MCPH1: variants seen among roughly 807,000 people sequenced by gnomAD.
The protein encoded by MCPH1 is microcephalin.
A neutral mutation model predicts 84.5 loss-of-function variants in MCPH1; 104 were observed. The observed-to-expected ratio is 1.23, with a 90% CI of 1.05 to 1.45. MCPH1 has a LOEUF of 1.45. Ranked by LOEUF, MCPH1 falls within the 40% of genes most tolerant of loss-of-function variation. MCPH1 has a pLI of 0.00. For missense variants in MCPH1, 1,498 were observed against 1,005.7 expected (o/e 1.49, Z -6.62); for synonymous variants, 514 against 366.8 (o/e 1.40, Z -4.58).
intron 3 of MCPH1, among the ~76,000 whole-genome samples, chr8:6,417,528 T>C (rs893384900): frequency 6.6e-6 from 1 of 152,222 alleles, no homozygotes; most frequent in Non-Finnish European, 1.5e-5. Flanking sequence ...GTCTTTTTTT[T>C]TCTCCTCAGA....
At chr8:6,492,752 T>A (rs1316431968) in intron 11 of MCPH1, among the ~76,000 whole-genome samples, 1 of 148,988 alleles carries the variant, frequency 6.7e-6, no homozygotes, top group African/African-American at 2.4e-5. Context: ...TAATAATTAT[T>A]TAATATTATA....
At chr8:6,514,711 A>G (rs762089580) in intron 12 of MCPH1, 4 of 1,613,936 alleles carry the variant, frequency 2.5e-6, no homozygotes, top group Non-Finnish European at 2.5e-6. Flanking sequence ...CTGAAAATCA[A>G]CGCTGCCATC....
intron 12 of MCPH1, among the ~76,000 whole-genome samples, chr8:6,568,136 G>A (rs558293849): frequency 4.2e-4 from 64 of 152,288 alleles, no homozygotes; most frequent in African/African-American, 8.7e-4. Context: ...AAAGAATCTC[G>A]TGGCCAGCCC....
intron 12 of MCPH1, among the ~76,000 whole-genome samples, chr8:6,503,592 C>T (rs1408214050): frequency 6.6e-6 from 1 of 152,198 alleles, no homozygotes; most frequent in African/African-American, 2.4e-5. Context: ...ACATCTGAGG[C>T]ACAGTTGGAA....
intron 9 of MCPH1, among the ~76,000 whole-genome samples, chr8:6,455,461 C>T (rs1403650087): frequency 6.6e-6 from 1 of 152,184 alleles, no homozygotes; most frequent in Non-Finnish European, 1.5e-5. Context: ...AGCAAGCTTT[C>T]TCATATCACT....
rs984835009 is a variant in MCPH1 at position 6,491,477 on chromosome 8, C to CT, written c.2137-8365dup. Among the ~76,000 whole-genome samples, 353 of 126,578 alleles carry CT rather than the reference C, an allele frequency of 2.8e-3. 2 individuals are homozygous for CT. Among genetic ancestry groups the CT allele is most frequent in the African/African-American group, 9.0e-3 (302 of 33,636 alleles). The allele number at this position is 126,578 out of a possible 152,430, so 83.0% of individuals were successfully genotyped here. A position where few individuals can be genotyped will look rare whatever the true frequency, so the allele number is the denominator to read the frequency against. On this transcript the variant is annotated intron_variant, in intron 11 of 13. Transcript: ENST00000344683. ...AACATGTATTTTTTTTTCTAGTATT[C>CT]TTTTTTTTTTATTATACTTTAAGTT...
Position 6,445,494 on chromosome 8 carries a change from AC to A in MCPH1, c.1773del (p.Asn591LysfsTer30). Reference sequence around the variant, plus strand: ...GAGCCATGTTTTATAGTTGACTGTAACATGGAGACGTCTACAGAAGAGAAGG... The same window carrying A: ...GAGCCATGTTTTATAGTTGACTGTAAATGGAGACGTCTACAGAAGAGAAGG... The part of the protein sequence containing the change: ...EHEPCFIVDC[N>X]METSTEEKEN... On this transcript the variant is annotated frameshift_variant, in exon 8 of 14. Coordinates refer to ENST00000344683, the MANE Select transcript of MCPH1 (RefSeq NM_024596.5). LOFTEE classifies it high-confidence loss of function. 6.2e-7 allele frequency: 1 copy of A among 1,613,616 alleles called. No individual in the cohort carries two copies. The highest frequency in any genetic ancestry group is 8.5e-7 in the Non-Finnish European group (1 of 1,179,914).
At chr8:6,450,609 GA>G (rs1275343254) in intron 8 of MCPH1, among the ~76,000 whole-genome samples, 23 of 151,424 alleles carry the variant, frequency 1.5e-4, no homozygotes, top group Non-Finnish European at 1.5e-5. Flanking sequence ...TAACCAATAA[GA>G]AACTGTTTCT....
intron 12 of MCPH1, among the ~76,000 whole-genome samples, chr8:6,579,813 T>A (rs552139972): frequency 6.6e-6 from 1 of 152,190 alleles, no homozygotes; most frequent in South Asian, 2.1e-4. Context: ...AACTGAGGCT[T>A]TCTCGTTTAT....
intron 4 of MCPH1, among the ~76,000 whole-genome samples, chr8:6,432,405 G>C (rs1422301485): frequency 6.6e-6 from 1 of 152,064 alleles, no homozygotes; most frequent in Non-Finnish European, 1.5e-5. Context: ...AATCGCGACT[G>C]GTTGAATCCA....
intron 13 of MCPH1, chr8:6,634,886 G>A (rs1022437219): frequency 7.9e-5 from 12 of 152,200 alleles, no homozygotes; most frequent in African/African-American, 2.9e-4. Flanking sequence ...ACACTGTCTT[G>A]AATTGCACGC....
At chr8:6,480,632 G>T in intron 10 of MCPH1, 82 bp from the exon 11 acceptor site, 1 of 1,513,820 alleles carries the variant, frequency 6.6e-7, no homozygotes, top group Non-Finnish European at 9.2e-7. Flanking sequence ...AGTTTTATTA[G>T]TACTAATATT....
intron 12 of MCPH1, among the ~76,000 whole-genome samples, chr8:6,538,649 A>G (rs1039001425): frequency 6.6e-6 from 1 of 151,950 alleles, no homozygotes; most frequent in African/African-American, 2.4e-5. Context: ...ACCATCCCCC[A>G]TTGCATGCCC....
At chr8:6,508,746 A>G (rs1442162065) in intron 12 of MCPH1, 3 of 799,720 alleles carry the variant, frequency 3.8e-6, no homozygotes, top group Admixed American at 2.4e-5. Flanking sequence ...GCTCCATATC[A>G]TATTCTCACT....
chr8:6,635,335 G>C (rs1447585738), intron 13 of MCPH1: 1 of 152,298 alleles, frequency 6.6e-6, no homozygotes, highest in Non-Finnish European at 1.5e-5. Context: ...GAGCTCAGGT[G>C]TGATGGGTTA....
chr8:6,537,247 C>T (rs1043107643), intron 12 of MCPH1, among the ~76,000 whole-genome samples: 1 of 152,140 alleles, frequency 6.6e-6, no homozygotes, highest in African/African-American at 2.4e-5. Flanking sequence ...GATCTGTAGG[C>T]ACACGTGTCT....
At chr8:6,523,279 G>C (rs1239168753) in intron 12 of MCPH1, among the ~76,000 whole-genome samples, 2 of 152,180 alleles carry the variant, frequency 1.3e-5, no homozygotes, top group African/African-American at 2.4e-5. Context: ...TTACAGGCAT[G>C]AGCCACCACG....
At chr8:6,590,915 T>A (rs1828405761) in intron 12 of MCPH1, among the ~76,000 whole-genome samples, 1 of 152,218 alleles carries the variant, frequency 6.6e-6, no homozygotes, top group Non-Finnish European at 1.5e-5. Context: ...TTGTTTGTTT[T>A]CCTGAGATGG....
chr8:6,467,122 G>A (rs936009736), intron 9 of MCPH1, among the ~76,000 whole-genome samples: 7 of 152,072 alleles, frequency 4.6e-5, no homozygotes, highest in Non-Finnish European at 5.9e-5. Context: ...AAATTATGAG[G>A]TATTTAAAAT....
Sources: gnomAD v4.1 joint callset for allele counts (sites outside exome capture counted in the v4.1 genomes callset) on GRCh38, gnomAD v4.1.1 for gene constraint, MANE v1.5 for transcripts, NCBI Gene and HGNC (gene_info 2026-07-23, HGNC 2026-07-21) for gene names.